Variants in NPAS3 observed in about 807,000 individuals in gnomAD.
The protein encoded by NPAS3 is neuronal PAS domain protein 3.
A neutral mutation model predicts 73.1 loss-of-function variants in NPAS3; 14 were observed. The observed-to-expected ratio is 0.19, with a 90% CI of 0.13 to 0.30. The LOEUF (loss-of-function observed/expected upper bound fraction) is 0.30. NPAS3 is among the 10% of genes least tolerant of loss of function. NPAS3 has a pLI of 1.00. For synonymous variants in NPAS3, 620 were observed against 541.5 expected, an observed-to-expected ratio of 1.14 and a Z score of -2.01; for missense variants, 1,096 against 1,250.0, an observed-to-expected ratio of 0.88 and a Z score of 1.86.
At chr14:33,519,589 G>A (rs753956698) in intron 4 of NPAS3, among the ~76,000 whole-genome samples, 11 of 152,044 alleles carry the variant, frequency 7.2e-5, no homozygotes, top group Non-Finnish European at 1.2e-4. Flanking sequence ...TCCAAACCTC[G>A]GTCTGCGCAT....
rs1024668208 is a variant in NPAS3 at position 33,303,609 on chromosome 14, A to G, written c.386-63577A>G. Among the ~76,000 whole-genome samples the G allele has an allele frequency of 4.2e-4, 64 of 152,190 alleles. 1 individual carries two copies. The highest frequency in any genetic ancestry group is 2.4e-4 in the Non-Finnish European group (16 of 68,022). On this transcript the variant is annotated intron_variant, in intron 3 of 11. Transcript: ENST00000356141. The stretch of plus-strand genomic sequence containing the variant: ...TGGCCATTTTTCATTATTAGCAAGC[A>G]TAGATTGATAGATTCTTCTAAAATT...
intron 1 of NPAS3, among the ~76,000 whole-genome samples, chr14:32,940,040 C>T (rs1461643913): frequency 2.6e-5 from 4 of 152,234 alleles, no homozygotes; most frequent in African/African-American, 9.6e-5. Flanking sequence ...CTCTCATCTT[C>T]CCCTCCTCTC....
At chr14:33,196,125 A>T (rs548101918) in intron 2 of NPAS3, among the ~76,000 whole-genome samples, 1 of 151,876 alleles carries the variant, frequency 6.6e-6, no homozygotes, top group East Asian at 1.9e-4. Flanking sequence ...CATGACTTGT[A>T]GATCGTATTT....
intron 1 of NPAS3, among the ~76,000 whole-genome samples, chr14:33,044,345 G>A (rs950435452): frequency 3.3e-5 from 5 of 152,100 alleles, no homozygotes; most frequent in East Asian, 1.9e-4. Context: ...TTTGAACCAC[G>A]GTTTTTAGAT....
At chr14:33,623,056 TGAAGG>T (rs914377488) in intron 5 of NPAS3, among the ~76,000 whole-genome samples, 4 of 152,044 alleles carry the variant, frequency 2.6e-5, no homozygotes, top group Non-Finnish European at 5.9e-5. Flanking sequence ...TACAGTAACA[TGAAGG>T]GAACAGTTTT....
chr14:33,097,825 G>GT (rs34974201), intron 2 of NPAS3, among the ~76,000 whole-genome samples: 1 of 151,862 alleles, frequency 6.6e-6, no homozygotes, highest in Non-Finnish European at 1.5e-5. Context: ...CTTTTCGTGT[G>GT]TTTTTTTACT....
At chr14:33,158,906 T>C (rs141878097) in intron 2 of NPAS3, among the ~76,000 whole-genome samples, 1,722 of 152,332 alleles carry the variant, frequency 0.011, 18 homozygotes, top group Non-Finnish European at 0.014. Flanking sequence ...CTAATGCCTG[T>C]AATCCCAGCA....
At chr14:33,191,554 G>T (rs1349324937) in intron 2 of NPAS3, among the ~76,000 whole-genome samples, 1 of 152,174 alleles carries the variant, frequency 6.6e-6, no homozygotes, top group Non-Finnish European at 1.5e-5. Flanking sequence ...TGGATCTGGA[G>T]ATCAGCACTA....
At chr14:33,429,054 T>TA (rs1247371867) in intron 4 of NPAS3, among the ~76,000 whole-genome samples, 3 of 152,016 alleles carry the variant, frequency 2.0e-5, no homozygotes, top group African/African-American at 4.8e-5. Context: ...TAAGGAGATT[T>TA]AAAAAAAGGT....
chr14:33,223,919 C>A (rs148800897), intron 3 of NPAS3, among the ~76,000 whole-genome samples: 5 of 151,810 alleles, frequency 3.3e-5, no homozygotes, highest in African/African-American at 1.2e-4. Flanking sequence ...AGTAAGATAG[C>A]ACATAATGAA....
chr14:33,296,061 T>G (rs999479084), intron 3 of NPAS3, among the ~76,000 whole-genome samples: 4 of 152,194 alleles, frequency 2.6e-5, no homozygotes, highest in African/African-American at 4.8e-5. Context: ...GACTCTCGGT[T>G]TCTTCCAAAT....
chr14:33,370,087 C>A (rs1196462257), intron 4 of NPAS3, among the ~76,000 whole-genome samples: 2 of 152,102 alleles, frequency 1.3e-5, no homozygotes, highest in African/African-American at 4.8e-5. Flanking sequence ...AGTTTATAGT[C>A]ATTTAACACT....
chr14:33,686,365 G>C (rs1474209086), intron 6 of NPAS3, among the ~76,000 whole-genome samples: 1 of 152,194 alleles, frequency 6.6e-6, no homozygotes, highest in East Asian at 1.9e-4. Flanking sequence ...TAAGTTCTGA[G>C]TATGACTCAT....
At position 33,544,810 on chromosome 14, in the gene NPAS3, ATG is replaced by A. The variant is rs370059854; in HGVS notation, c.469-15309_469-15308del. The stretch of plus-strand genomic sequence containing the variant: ...GTATTATATATATATATATATATAT[ATG>A]TATATATAATATATATGTGTATATA... On this transcript the variant is annotated intron_variant, in intron 4 of 11. Coordinates refer to ENST00000356141, the Ensembl canonical transcript of NPAS3. 3.9e-3 allele frequency among the ~76,000 whole-genome samples: 359 copies of A among 91,832 alleles called. 13 individuals carry two copies. Among genetic ancestry groups the A allele is most frequent in the South Asian group, 9.3e-3 (32 of 3,432 alleles). 60.2% of individuals were successfully genotyped at this position (91,832 alleles called of 152,430 possible).
intron 9 of NPAS3, among the ~76,000 whole-genome samples, chr14:33,791,339 C>G (rs1288522119): frequency 2.0e-5 from 3 of 152,178 alleles, no homozygotes; most frequent in Non-Finnish European, 4.4e-5. Flanking sequence ...TGTCCTGCCC[C>G]TCTCATATTT....
intron 2 of NPAS3, among the ~76,000 whole-genome samples, chr14:33,059,414 A>G (rs1394736290): frequency 6.6e-6 from 1 of 152,216 alleles, no homozygotes; most frequent in Non-Finnish European, 1.5e-5. Context: ...TTAAATGCTT[A>G]TTATACTTTC....
intron 2 of NPAS3, among the ~76,000 whole-genome samples, chr14:33,071,883 G>GC (rs2138654123): frequency 6.6e-6 from 1 of 151,956 alleles, no homozygotes; most frequent in Admixed American, 6.6e-5. Context: ...GAGATTCTGT[G>GC]TTTTTTTTCT....
At chr14:33,276,427 T>C (rs1015362289) in intron 3 of NPAS3, among the ~76,000 whole-genome samples, 6 of 152,172 alleles carry the variant, frequency 3.9e-5, no homozygotes, top group Non-Finnish European at 7.4e-5. Context: ...CAACCATTTG[T>C]TCTAGTCCTC....
intron 5 of NPAS3, among the ~76,000 whole-genome samples, chr14:33,597,405 T>TA (rs756562939): frequency 5.9e-5 from 9 of 152,240 alleles, no homozygotes; most frequent in African/African-American, 2.2e-4. Flanking sequence ...GATATCACCA[T>TA]AAAATTTATC....
Sources: allele counts gnomAD v4.1 joint callset (sites outside exome capture counted in the v4.1 genomes callset), GRCh38; gene constraint gnomAD v4.1.1; transcripts MANE v1.5; gene names NCBI Gene and HGNC (gene_info 2026-07-23, HGNC 2026-07-21).